The following KLF8 variants were observed in gnomAD, a reference collection of about 807,000 sequenced individuals.
The protein encoded by KLF8 is KLF transcription factor 8, also known as Krueppel-like factor 8.
KLF8 carries 10 observed loss-of-function variants against 18.2 expected under a neutral mutation model. The ratio of observed to expected loss-of-function variants is 0.55; its 90% CI spans 0.34 to 0.93. The LOEUF (loss-of-function observed/expected upper bound fraction) is 0.93, where lower values mean the gene tolerates loss of function less well. Ranked by LOEUF, KLF8 falls within the 40% of genes least tolerant of loss-of-function variation. KLF8 has a pLI of 0.02. For missense variants in KLF8, 264 were observed against 277.9 expected (o/e 0.95, Z 0.36); for synonymous variants, 109 against 97.3 (o/e 1.12, Z -0.71).
At chrX:55,970,258 G>C in the KLF8 span, among the ~76,000 whole-genome samples, 1 of 110,876 alleles carries the variant, frequency 9.0e-6, no homozygotes, top group South Asian at 3.8e-4. Context: ...AAGGGGTCAA[G>C]ACTGTTTTAA....
the KLF8 span, among the ~76,000 whole-genome samples, chrX:56,083,558 G>A: frequency 8.0e-5 from 9 of 111,957 alleles, no homozygotes; most frequent in Non-Finnish European, 1.3e-4. Flanking sequence ...TAAAAGAAAC[G>A]TAATTTAATA....
At chrX:56,085,883 A>G in the KLF8 span, among the ~76,000 whole-genome samples, 1 of 112,104 alleles carries the variant, frequency 8.9e-6, no homozygotes, top group Non-Finnish European at 1.9e-5. Context: ...AATATGTAGA[A>G]ACATAAAGAG....
the KLF8 span, among the ~76,000 whole-genome samples, chrX:56,052,591 G>A: frequency 8.9e-6 from 1 of 111,872 alleles, no homozygotes; most frequent in African/African-American, 3.3e-5. Flanking sequence ...GGGGTCAGGG[G>A]TCAAGGACCC....
chrX:56,003,856 G>T, the KLF8 span, among the ~76,000 whole-genome samples: 3 of 111,883 alleles, frequency 2.7e-5, no homozygotes, highest in East Asian at 2.8e-4. Flanking sequence ...TCTTCATCCT[G>T]TGTAGCCTGA....
the KLF8 span, among the ~76,000 whole-genome samples, chrX:56,070,827 G>A: frequency 8.9e-6 from 1 of 112,659 alleles, no homozygotes; most frequent in Non-Finnish European, 1.9e-5. Context: ...ATATCTGAAT[G>A]TATCTAACTA....
chrX:55,965,192 A>G, the KLF8 span, among the ~76,000 whole-genome samples: 3 of 112,253 alleles, frequency 2.7e-5, no homozygotes, highest in East Asian at 8.3e-4. Flanking sequence ...CTGGTCTACC[A>G]TGATCAGGTA....
the KLF8 span, among the ~76,000 whole-genome samples, chrX:55,991,251 A>C: frequency 7.1e-5 from 8 of 111,977 alleles, no homozygotes; most frequent in Non-Finnish European, 1.3e-4. Context: ...GTTTGATGTC[A>C]GACTGCTGTG....
the KLF8 span, among the ~76,000 whole-genome samples, chrX:56,092,879 A>T: frequency 9.0e-6 from 1 of 110,531 alleles, no homozygotes; most frequent in South Asian, 3.8e-4. Flanking sequence ...TATAAATTAA[A>T]ACCTCTCCAG....
At chrX:56,103,012 C>T in the KLF8 span, among the ~76,000 whole-genome samples, 2 of 106,939 alleles carry the variant, frequency 1.9e-5, no homozygotes, top group Non-Finnish European at 1.9e-5. Context: ...TCTAGCCCCT[C>T]TCTCCTCCTC....
At chrX:56,221,203 T>TA in the KLF8 span, among the ~76,000 whole-genome samples, 2 of 112,052 alleles carry the variant, frequency 1.8e-5, no homozygotes, top group South Asian at 3.7e-4. Flanking sequence ...AACTTTAAAT[T>TA]AAAAAATAGT....
the KLF8 span, among the ~76,000 whole-genome samples, chrX:56,168,672 G>A: frequency 3.5e-5 from 3 of 85,569 alleles, no homozygotes; most frequent in Admixed American, 1.5e-4. Context: ...GACAGTCCCC[G>A]ATGTGTGATG....
chrX:56,267,789 C>T (rs1289640647), intron 3 of KLF8: 2 of 111,766 alleles, frequency 1.8e-5, no homozygotes, highest in African/African-American at 6.5e-5. Flanking sequence ...ACCTCATTAT[C>T]ATTTTTGTGG....
the KLF8 span, among the ~76,000 whole-genome samples, chrX:56,219,140 C>T: frequency 9.0e-6 from 1 of 111,439 alleles, no homozygotes; most frequent in Non-Finnish European, 1.9e-5. Context: ...ATAGGCTCCA[C>T]GTTTGAATTT....
At chrX:55,940,682 T>G in the KLF8 span, among the ~76,000 whole-genome samples, 2 of 111,801 alleles carry the variant, frequency 1.8e-5, no homozygotes, top group Non-Finnish European at 3.8e-5. Context: ...CAGAAAAGTC[T>G]CAGGATACAA....
chrX:56,187,013 A>G, the KLF8 span, among the ~76,000 whole-genome samples: 1 of 111,960 alleles, frequency 8.9e-6, no homozygotes. Flanking sequence ...GAAGGCAAGA[A>G]ATAACTAAAA....
the KLF8 span, among the ~76,000 whole-genome samples, chrX:56,134,367 C>T: frequency 1.8e-5 from 2 of 111,572 alleles, no homozygotes; most frequent in Non-Finnish European, 3.8e-5. Context: ...AACCCAAATA[C>T]TTACAGCCAA....
chrX:56,002,124 ATCACTCTCTCTT>A, the KLF8 span, among the ~76,000 whole-genome samples: 1 of 111,880 alleles, frequency 8.9e-6, no homozygotes, highest in South Asian at 3.7e-4. Context: ...TTCATCTTCT[ATCACTCTCTCTT>A]TCACTTGCTT....
chrX:55,942,377 G>T, the KLF8 span, among the ~76,000 whole-genome samples: 2 of 109,766 alleles, frequency 1.8e-5, no homozygotes, highest in Admixed American at 9.8e-5. Context: ...TGGGGTGGGG[G>T]GTGGTGGGGT....
chrX:55,946,711 G>A, the KLF8 span, among the ~76,000 whole-genome samples: 1 of 111,242 alleles, frequency 9.0e-6, no homozygotes, highest in African/African-American at 3.3e-5. Context: ...CCTACAAAAT[G>A]GGAGAAAATT....
Sources: allele counts gnomAD v4.1 joint callset (sites outside exome capture counted in the v4.1 genomes callset), GRCh38; gene constraint gnomAD v4.1.1; transcripts MANE v1.5; gene names NCBI Gene and HGNC (gene_info 2026-07-23, HGNC 2026-07-21).